RHOT1: variants seen among roughly 807,000 people sequenced by gnomAD.
The protein encoded by RHOT1 is mitochondrial Rho GTPase 1.
RHOT1 carries 27 observed loss-of-function variants against 95.3 expected under a neutral mutation model. The observed-to-expected ratio is 0.28, with a 90% confidence interval of 0.21 to 0.39. The LOEUF is 0.39. Among genes scored for constraint, RHOT1 ranks in the 10% least tolerant of loss-of-function variants. RHOT1 has a pLI of 1.00. For missense variants in RHOT1, 578 were observed against 786.7 expected (o/e 0.73, Z 3.17); for synonymous variants, 227 against 263.5 (o/e 0.86, Z 1.34).
At position 32,207,080 on chromosome 17, in the gene RHOT1, T is replaced by A. The variant is rs749947061; in HGVS notation, c.1536+51T>A. On this transcript the variant is annotated intron_variant, in intron 17 of 19. Transcript: ENST00000545287. ...TGAATGTAACTTCATATGGACTTTTTATGGAATTGCAGTGTGGTGTTTCCT... is the reference window on the plus strand; with the variant it reads ...TGAATGTAACTTCATATGGACTTTTAATGGAATTGCAGTGTGGTGTTTCCT... 5.2e-6 allele frequency: 8 copies of A among 1,543,570 alleles called. No individual in the cohort carries two copies. In the South Asian group the frequency reaches 7.4e-5, roughly 14 times the overall value.
intron 8 of RHOT1, among the ~76,000 whole-genome samples, chr17:32,185,335 C>G (rs1366872986): frequency 6.6e-6 from 1 of 152,180 alleles, no homozygotes; most frequent in Non-Finnish European, 1.5e-5. Context: ...GTCTTGAACA[C>G]CCAACCTCAG....
intron 18 of RHOT1, among the ~76,000 whole-genome samples, chr17:32,209,932 C>G (rs1362805858): frequency 6.8e-6 from 1 of 148,048 alleles, no homozygotes; most frequent in African/African-American, 2.5e-5. Flanking sequence ...TGTTCATCAT[C>G]ACAAGTCAAA....
At chr17:32,224,054 C>T (rs1432782398) in intron 19 of RHOT1, among the ~76,000 whole-genome samples, 1 of 152,202 alleles carries the variant, frequency 6.6e-6, no homozygotes, top group Non-Finnish European at 1.5e-5. Flanking sequence ...CAAATTAATG[C>T]AAACTGATAA....
rs1317722126 is a variant in RHOT1 at position 32,177,703 on chromosome 17, C to T, written c.329+1490C>T. ...CCAGGAGGCGGAGCTTGCAGTGAGC[C>T]GAGATCACGCCACTGCACTCCAGCC... On this transcript the variant is annotated intron_variant, in intron 6 of 19. Transcript: ENST00000545287. Among the ~76,000 whole-genome samples, 4 of 144,194 alleles carry T rather than the reference C, an allele frequency of 2.8e-5. No individual in the cohort carries two copies. In the South Asian group the frequency reaches 6.7e-4, roughly 24 times the overall value. 94.6% of individuals were successfully genotyped at this position (144,194 alleles called of 152,430 possible). A position where few individuals can be genotyped will look rare whatever the true frequency, so the allele number is the denominator to read the frequency against.
chr17:32,202,973 G>A (rs2037431809), intron 15 of RHOT1, 73 bp downstream of exon 15: 3 of 1,458,746 alleles, frequency 2.1e-6, no homozygotes, highest in Non-Finnish European at 2.8e-6. Context: ...TGTTTTCATA[G>A]CCATTGACCT....
At chr17:32,210,221 C>T (rs919934048) in intron 18 of RHOT1, among the ~76,000 whole-genome samples, 9 of 152,088 alleles carry the variant, frequency 5.9e-5, no homozygotes, top group Admixed American at 3.9e-4. Flanking sequence ...GGTTCTGAAC[C>T]AGTACCTCTT....
Position 32,165,285 on chromosome 17 carries a change from C to T in RHOT1, c.38-5758C>T, listed in dbSNP as rs148006927. Reference sequence around the variant, plus strand: ...CCAAGAGGCAGAGCTTGCAATAAGCCGAAATCGCGCCACTGCACTCCAGCC... The same window carrying T: ...CCAAGAGGCAGAGCTTGCAATAAGCTGAAATCGCGCCACTGCACTCCAGCC... On this transcript the variant is annotated intron_variant, in intron 1 of 19. Transcript: ENST00000545287. 7.3e-3 allele frequency among the ~76,000 whole-genome samples: 1,026 copies of T among 140,212 alleles called. 20 individuals are homozygous for T. Among genetic ancestry groups the T allele is most frequent in the African/African-American group, 0.026 (961 of 36,666 alleles). 92.0% of individuals were successfully genotyped at this position (140,212 alleles called of 152,430 possible).
chr17:32,200,614 TAAA>T (rs530239849), intron 13 of RHOT1, among the ~76,000 whole-genome samples: 17 of 149,398 alleles, frequency 1.1e-4, no homozygotes, highest in African/African-American at 4.2e-4. Flanking sequence ...TTTTTTAAAT[TAAA>T]AAAAAAATTA....
At chr17:32,208,575 C>A (rs372408731) in intron 18 of RHOT1, 1 of 327,788 alleles carries the variant, frequency 3.1e-6, no homozygotes, top group Non-Finnish European at 5.6e-6. Flanking sequence ...CACAACCCCC[C>A]ACCCAGCATT....
intron 7 of RHOT1, 67 bp downstream of exon 7, chr17:32,182,932 A>AG: frequency 1.6e-5 from 16 of 1,013,994 alleles, no homozygotes; most frequent in Non-Finnish European, 2.4e-5. Context: ...GGTTTTAAAT[A>AG]GGGGGGACAA....
At chr17:32,211,324 A>C in intron 19 of RHOT1, 86 bp downstream of exon 19, 1 of 1,245,292 alleles carries the variant, frequency 8.0e-7, no homozygotes, top group African/African-American at 1.5e-5. Flanking sequence ...ACAGATACTC[A>C]CTACAAAGAC....
At position 32,194,127 on chromosome 17, in the gene RHOT1, TTG is replaced by T. The variant is rs2142775808; in HGVS notation, c.869+22_869+23del. 2 of 1,603,632 alleles carry T rather than the reference TTG, an allele frequency of 1.2e-6. No homozygotes were observed. Among genetic ancestry groups the T allele is most frequent in the Non-Finnish European group, 1.7e-6 (2 of 1,174,548 alleles). On this transcript the variant is annotated intron_variant, in intron 11 of 19. Transcript: ENST00000545287. ...CCCCCTGTATGTACCTTTGTTTTTT[TTG>T]TTGTTGTTGTTGTTTAATTTTTTAT...
Position 32,201,053 on chromosome 17 carries a change from A to G in RHOT1, c.1198A>G (p.Thr400Ala), listed in dbSNP as rs1300979741. The change falls in exon 14 of 20, where the codon ACA becomes GCA. Residue 400 changes from threonine (T) to alanine (A), a missense_variant. By Grantham distance (58) the Thr-to-Ala change is moderately conservative (BLOSUM62 0). Coordinates refer to ENST00000545287, the MANE Select transcript of RHOT1 (RefSeq NM_001033566.3). Reference sequence around the variant, plus strand: ...GCAAGAGTCTCAAGCTTCAGCTGTTACAGGTAAGTATCTAGATACTGTTCA... The same window carrying G: ...GCAAGAGTCTCAAGCTTCAGCTGTTGCAGGTAAGTATCTAGATACTGTTCA... ...TEQESQASAV[T>A]VTRDKKIDLQ... The G allele has an allele frequency of 1.9e-6, 3 of 1,576,398 alleles. No individual in the cohort carries two copies. Among genetic ancestry groups the G allele is most frequent in the African/African-American group, 2.7e-5 (2 of 73,496 alleles).
At chr17:32,167,842 T>G (rs966565623) in intron 1 of RHOT1, among the ~76,000 whole-genome samples, 4 of 151,940 alleles carry the variant, frequency 2.6e-5, no homozygotes, top group African/African-American at 9.7e-5. Flanking sequence ...TAAGATCATC[T>G]TGGGCAACAT....
In RHOT1 at chr17:32,206,985, G is replaced by A. The variant is rs2037803317; in HGVS notation, c.1492G>A (p.Val498Ile). 1 of 1,612,948 alleles carries A rather than the reference G, an allele frequency of 6.2e-7. No homozygotes were observed. Among genetic ancestry groups the A allele is most frequent in the Non-Finnish European group, 8.5e-7 (1 of 1,179,474 alleles). ...TGATGTTGTATGCCTGGTATATGAT[G>A]TCAGCAATCCCAAATCCTTTGAATA... ...ICDVVCLVYD[V>I]SNPKSFEYCA... Residue 498 changes from valine (V) to isoleucine (I), a missense_variant, in exon 17 of 20, where the codon GTC becomes ATC. Physicochemically the swap from Val to Ile is conservative, Grantham distance 29. Transcript: ENST00000545287.
At chr17:32,161,331 G>A (rs745722123) in intron 1 of RHOT1, among the ~76,000 whole-genome samples, 8 of 152,132 alleles carry the variant, frequency 5.3e-5, no homozygotes, top group Admixed American at 1.3e-4. Flanking sequence ...TGTGGGTTCC[G>A]GTAGAGTCAG....
intron 6 of RHOT1, chr17:32,180,104 A>C (rs2035500193): frequency 6.5e-6 from 1 of 153,648 alleles, no homozygotes; most frequent in African/African-American, 2.5e-5. Flanking sequence ...CTGGGAAGTG[A>C]GGAGCACCTC....
rs1239276668 is a variant in RHOT1, at chr17:32,179,994, AGCGCCTCTGCCCGGCCGCCCCGTCTGGG to A, written c.330-2762_330-2735del. 1.2e-3 allele frequency: 175 copies of A among 144,424 alleles called. 2 individuals are homozygous for A. Among genetic ancestry groups the A allele is most frequent in the African/African-American group, 4.8e-3 (168 of 34,970 alleles). 8.9% of individuals were successfully genotyped at this position (144,424 alleles called of 1,614,324 possible). ...CGGCCGCCCCGTCTGGGAAGTGAGG[AGCGCCTCTGCCCGGCCGCCCCGTCTGGG>A]AAGTGAGGAGCGTCTCTGCCCAGCC... On this transcript the variant is annotated intron_variant, in intron 6 of 19. Coordinates refer to ENST00000545287, the MANE Select transcript of RHOT1 (RefSeq NM_001033566.3).
chr17:32,146,264 C>T (rs1426863361), intron 1 of RHOT1, among the ~76,000 whole-genome samples: 1 of 152,056 alleles, frequency 6.6e-6, no homozygotes, highest in East Asian at 1.9e-4. Context: ...GGGGATTTGT[C>T]TTCCTTCTTG....
Sources: gnomAD v4.1 joint callset for allele counts (sites outside exome capture counted in the v4.1 genomes callset) on GRCh38, gnomAD v4.1.1 for gene constraint, MANE v1.5 for transcripts, NCBI Gene and HGNC (gene_info 2026-07-23, HGNC 2026-07-21) for gene names.